Variants in GMDS observed in about 807,000 individuals in gnomAD.
GMDS encodes GDP-mannose 4,6 dehydratase.
Under a neutral mutation model 49.9 loss-of-function variants are expected in GMDS, and 20 were observed. The ratio of observed to expected loss-of-function variants is 0.40; its 90% CI spans 0.28 to 0.58. GMDS has a LOEUF of 0.58. GMDS is among the 20% of genes least tolerant of loss of function. The probability of loss-of-function intolerance (pLI) is 0.42; values close to 1 mark genes in which losing one functional copy is unlikely to be tolerated. For synonymous variants in GMDS, 177 were observed against 178.6 expected, an observed-to-expected ratio of 0.99 and a Z score of 0.07; for missense variants, 362 against 481.4, an observed-to-expected ratio of 0.75 and a Z score of 2.32.
intron 4 of GMDS, among the ~76,000 whole-genome samples, chr6:1,973,091 G>A (rs1229232832): frequency 6.6e-6 from 1 of 152,130 alleles, no homozygotes; most frequent in Non-Finnish European, 1.5e-5. Context: ...CCTATATCCA[G>A]CCAGATAAAT....
intron 7 of GMDS, among the ~76,000 whole-genome samples, chr6:1,906,283 T>C (rs1436341074): frequency 1.3e-5 from 2 of 152,186 alleles, no homozygotes; most frequent in African/African-American, 4.8e-5. Flanking sequence ...AATAGTCAAG[T>C]GCCAGCATTG....
At chr6:2,059,832 A>G (rs942439532) in intron 4 of GMDS, among the ~76,000 whole-genome samples, 2 of 151,700 alleles carry the variant, frequency 1.3e-5, no homozygotes, top group Non-Finnish European at 2.9e-5. Flanking sequence ...GACAGGGCGA[A>G]GCTCAGAGAC....
At chr6:1,943,344 C>A (rs976338382) in intron 6 of GMDS, among the ~76,000 whole-genome samples, 4 of 152,220 alleles carry the variant, frequency 2.6e-5, no homozygotes, top group Non-Finnish European at 4.4e-5. Flanking sequence ...CACCCTTGCA[C>A]AAGCTACCTG....
rs1240387072 is a variant in GMDS at position 1,836,645 on chromosome 6, T to C, written c.771+93458A>G. Among the ~76,000 whole-genome samples the C allele has an allele frequency of 6.6e-6, 1 of 152,236 alleles. No individual in the cohort carries two copies. Among genetic ancestry groups the C allele is most frequent in the Non-Finnish European group, 1.5e-5 (1 of 68,042 alleles). Reference sequence around the variant, plus strand: ...AATAGTCCATAAAAGGGAGATTGGGTAGAAGCGGCTGATGAACTGGTTACA... The same window carrying C: ...AATAGTCCATAAAAGGGAGATTGGGCAGAAGCGGCTGATGAACTGGTTACA... On this transcript the variant is annotated intron_variant, in intron 7 of 10. Coordinates refer to ENST00000380815, the MANE Select transcript of GMDS (RefSeq NM_001500.4). The surrounding 1 kb of genome is among the most constrained non-coding windows in gnomAD (Gnocchi z 4.2).
intron 7 of GMDS, among the ~76,000 whole-genome samples, chr6:1,822,569 A>G (rs1398101542): frequency 6.6e-6 from 1 of 152,250 alleles, no homozygotes; most frequent in East Asian, 1.9e-4. Context: ...CTAGATTAGC[A>G]AAATTAGAAA....
intron 4 of GMDS, among the ~76,000 whole-genome samples, chr6:2,100,794 G>GA (rs1773880685): frequency 6.6e-6 from 1 of 151,910 alleles, no homozygotes; most frequent in Admixed American, 6.6e-5. Flanking sequence ...ACTTACAGTG[G>GA]AAAAAATAAA....
intron 7 of GMDS, among the ~76,000 whole-genome samples, chr6:1,816,924 G>C (rs1770695295): frequency 6.6e-6 from 1 of 151,548 alleles, no homozygotes; most frequent in South Asian, 2.1e-4. Flanking sequence ...CCAGAGAAAA[G>C]CAGGTCTGGG....
At chr6:1,708,742 G>A (rs968257231) in intron 9 of GMDS, among the ~76,000 whole-genome samples, 3 of 152,244 alleles carry the variant, frequency 2.0e-5, no homozygotes. Context: ...GGCCTGGCTG[G>A]CGTTCCTCTG....
intron 9 of GMDS, among the ~76,000 whole-genome samples, chr6:1,629,799 G>A (rs948914983): frequency 2.6e-5 from 4 of 152,160 alleles, no homozygotes; most frequent in Admixed American, 6.5e-5. Context: ...ATGGGATCTC[G>A]GTAGAATTTG....
At chr6:1,883,124 C>G (rs780914604) in intron 7 of GMDS, among the ~76,000 whole-genome samples, 1 of 151,952 alleles carries the variant, frequency 6.6e-6, no homozygotes, top group African/African-American at 2.4e-5. Flanking sequence ...TTTTATGGGC[C>G]GGGTGCGGTG....
chr6:1,841,024 G>A (rs911541544), intron 7 of GMDS, among the ~76,000 whole-genome samples: 1 of 152,146 alleles, frequency 6.6e-6, no homozygotes, highest in Non-Finnish European at 1.5e-5. Context: ...CTGCCAGGTG[G>A]ACACACTGCA....
intron 1 of GMDS, among the ~76,000 whole-genome samples, chr6:2,231,525 C>A (rs568178179): frequency 6.6e-6 from 1 of 152,238 alleles, no homozygotes; most frequent in South Asian, 2.1e-4. Context: ...GATGGCTCCA[C>A]TGCTTTTCAG....
intron 9 of GMDS, among the ~76,000 whole-genome samples, chr6:1,659,715 A>G (rs2113243865): frequency 6.6e-6 from 1 of 152,236 alleles, no homozygotes; most frequent in Non-Finnish European, 1.5e-5. Flanking sequence ...GACACTTTTC[A>G]CCCTGACCAT....
chr6:2,152,739 TTA>T (rs777821267), intron 1 of GMDS, among the ~76,000 whole-genome samples: 65 of 152,256 alleles, frequency 4.3e-4, no homozygotes, highest in Non-Finnish European at 7.9e-4. Flanking sequence ...GGTGACAAAA[TTA>T]TATGTTGGAG....
chr6:1,762,814 G>C (rs3800040), intron 7 of GMDS, among the ~76,000 whole-genome samples: 52,035 of 152,106 alleles, frequency 0.34, 10,406 homozygotes, highest in Admixed American at 0.45. Flanking sequence ...AGAGTATTTA[G>C]AAAGTTTCAA....
chr6:1,874,534 C>T (rs1203146765), intron 7 of GMDS, among the ~76,000 whole-genome samples: 2 of 152,060 alleles, frequency 1.3e-5, no homozygotes, highest in Non-Finnish European at 2.9e-5. Flanking sequence ...GGGTCACACA[C>T]GACAATCTCT....
At chr6:1,840,545 A>T (rs13204935) in intron 7 of GMDS, among the ~76,000 whole-genome samples, 9,906 of 152,108 alleles carry the variant, frequency 0.065, 393 homozygotes, top group South Asian at 0.15. Flanking sequence ...CCCACACTAT[A>T]CCCCAGCAGA....
chr6:1,744,303 A>G (rs967590935), intron 7 of GMDS, among the ~76,000 whole-genome samples: 7 of 152,178 alleles, frequency 4.6e-5, no homozygotes, highest in Non-Finnish European at 7.3e-5. Flanking sequence ...TAATAGTTTC[A>G]AGTCAGTGAT....
chr6:2,065,178 A>T (rs572862157), intron 4 of GMDS, among the ~76,000 whole-genome samples: 3 of 152,110 alleles, frequency 2.0e-5, no homozygotes, highest in Non-Finnish European at 2.9e-5. Flanking sequence ...CACCTCACAC[A>T]GCCTGGTACT....
Sources: gnomAD v4.1 joint callset for allele counts (sites outside exome capture counted in the v4.1 genomes callset) on GRCh38, gnomAD v4.1.1 for gene constraint, Gnocchi (gnomAD v3.1) non-coding constraint, MANE v1.5 for transcripts, NCBI Gene and HGNC (gene_info 2026-07-23, HGNC 2026-07-21) for gene names.